The following ZNF254 variants were observed in gnomAD, a reference collection of about 807,000 sequenced individuals.
ZNF254 encodes the protein CTD-2017D11.1.
Under a neutral mutation model 12.4 loss-of-function variants are expected in ZNF254, and 10 were observed. The ratio of observed to expected loss-of-function variants is 0.80; its 90% confidence interval spans 0.50 to 1.36. The LOEUF (loss-of-function observed/expected upper bound fraction) is 1.36, where lower values mean the gene tolerates loss of function less well. Among genes scored for constraint, ZNF254 ranks in the 40% most tolerant of loss-of-function variants. ZNF254 has a pLI of 0.00. For synonymous variants in ZNF254, 305 were observed against 253.4 expected (o/e 1.20, Z -1.93); for missense variants, 996 against 763.9 (o/e 1.30, Z -3.58).
chr19:24,122,673 T>C (rs1479673096), intron 3 of ZNF254, among the ~76,000 whole-genome samples: 1 of 152,192 alleles, frequency 6.6e-6, no homozygotes, highest in Non-Finnish European at 1.5e-5. Flanking sequence ...ATCTTTATAG[T>C]TCGTACAATA....
chr19:24,059,302 G>A (rs954229421), intron 2 of ZNF254, among the ~76,000 whole-genome samples: 5 of 152,184 alleles, frequency 3.3e-5, no homozygotes, highest in African/African-American at 1.2e-4. Context: ...CCTAGGTGAT[G>A]TCTTCCTGAG....
intron 1 of ZNF254, among the ~76,000 whole-genome samples, chr19:24,088,894 C>T (rs923040978): frequency 1.3e-5 from 2 of 150,766 alleles, no homozygotes; most frequent in South Asian, 2.1e-4. Flanking sequence ...TAGCCTCAAG[C>T]GATCCGCCTG....
At chr19:24,043,724 A>T (rs1353987131) in intron 1 of ZNF254, among the ~76,000 whole-genome samples, 1 of 147,852 alleles carries the variant, frequency 6.8e-6, no homozygotes, top group Non-Finnish European at 1.5e-5. Flanking sequence ...CTTCATTTAA[A>T]CAGAAATGTT....
intron 2 of ZNF254, among the ~76,000 whole-genome samples, chr19:24,057,876 C>A (rs1463162761): frequency 6.6e-6 from 1 of 152,180 alleles, no homozygotes; most frequent in African/African-American, 2.4e-5. Context: ...GACTCTCATA[C>A]CAAGAATTGG....
chr19:24,076,954 T>C (rs757919506), intron 2 of ZNF254, among the ~76,000 whole-genome samples: 6 of 152,164 alleles, frequency 3.9e-5, no homozygotes, highest in Non-Finnish European at 8.8e-5. Context: ...GCTACATACC[T>C]ACCTCACAAT....
intron 1 of ZNF254, among the ~76,000 whole-genome samples, chr19:24,044,310 G>T (rs1272518616): frequency 6.6e-6 from 1 of 151,760 alleles, no homozygotes; most frequent in East Asian, 1.9e-4. Context: ...AGGCCGAGGC[G>T]GGTGGATCAC....
At chr19:24,072,841 T>C (rs1971528493) in intron 2 of ZNF254, among the ~76,000 whole-genome samples, 1 of 152,204 alleles carries the variant, frequency 6.6e-6, no homozygotes, top group Admixed American at 6.5e-5. Flanking sequence ...GTCTGATCCC[T>C]ACCCTGGAAA....
intron 1 of ZNF254, 23 bp from the exon 2 acceptor site, chr19:24,105,917 G>T (rs368956538): frequency 6.3e-7 from 1 of 1,577,678 alleles, no homozygotes. Flanking sequence ...TTGTAAATAT[G>T]TGTGTTTGTG....
At chr19:24,074,933 C>G (rs559845171) in intron 2 of ZNF254, among the ~76,000 whole-genome samples, 1 of 152,268 alleles carries the variant, frequency 6.6e-6, no homozygotes, top group African/African-American at 2.4e-5. Context: ...CATTTCTGGG[C>G]CCAGAACCTA....
At chr19:24,052,817 T>C (rs976808166) in intron 2 of ZNF254, among the ~76,000 whole-genome samples, 9 of 152,172 alleles carry the variant, frequency 5.9e-5, no homozygotes, top group Admixed American at 1.3e-4. Context: ...TCCAAACTTA[T>C]AGGGGCAATA....
At chr19:24,102,040 C>T (rs191685095) in intron 1 of ZNF254, among the ~76,000 whole-genome samples, 47 of 152,270 alleles carry the variant, frequency 3.1e-4, no homozygotes, top group Admixed American at 1.3e-3. Context: ...AAATAGATGA[C>T]GCAGTCATGG....
At chr19:24,114,917 TG>T (rs1301470617) in intron 3 of ZNF254, among the ~76,000 whole-genome samples, 2 of 152,186 alleles carry the variant, frequency 1.3e-5, no homozygotes, top group African/African-American at 4.8e-5. Flanking sequence ...AAAAAACACA[TG>T]AAAAAATGCT....
chr19:24,110,191 T>C (rs1279725886), intron 3 of ZNF254, among the ~76,000 whole-genome samples: 4 of 152,184 alleles, frequency 2.6e-5, no homozygotes, highest in Admixed American at 6.6e-5. Flanking sequence ...TAATTCTGTA[T>C]TTTTTCCAGT....
chr19:24,051,802 T>C (rs1970657516), intron 2 of ZNF254, among the ~76,000 whole-genome samples: 1 of 152,224 alleles, frequency 6.6e-6, no homozygotes, highest in African/African-American at 2.4e-5. Context: ...TACATATCAC[T>C]GGGCCCAGCA....
intron 1 of ZNF254, among the ~76,000 whole-genome samples, chr19:24,041,807 A>G (rs1419740387): frequency 4.6e-5 from 7 of 152,254 alleles, no homozygotes; most frequent in East Asian, 1.9e-4. Flanking sequence ...GAGAGTCTTT[A>G]TATCTAGCTC....
At chr19:24,048,003 CTTTTTTTT>C (rs398034320) in intron 2 of ZNF254, among the ~76,000 whole-genome samples, 6 of 68,810 alleles carry the variant, frequency 8.7e-5, no homozygotes, top group African/African-American at 1.2e-4. Context: ...TTCTTTTCTT[CTTTTTTTT>C]TTTTTTTTTT....
intron 2 of ZNF254, among the ~76,000 whole-genome samples, chr19:24,046,569 C>A (rs921174625): frequency 4.6e-5 from 7 of 151,788 alleles, no homozygotes; most frequent in African/African-American, 1.5e-4. Flanking sequence ...AAGCCATACA[C>A]ACAATTCAAA....
chr19:24,114,214 C>T (rs143374626), intron 3 of ZNF254, among the ~76,000 whole-genome samples: 19,878 of 151,850 alleles, frequency 0.13, 1,244 homozygotes, highest in Middle Eastern at 0.16. Context: ...GAGCCCGCAT[C>T]GCCAAGTCAC....
intron 1 of ZNF254, among the ~76,000 whole-genome samples, chr19:24,090,169 G>C (rs1972286134): frequency 6.6e-6 from 1 of 152,060 alleles, no homozygotes; most frequent in South Asian, 2.1e-4. Context: ...CTGCACTCCA[G>C]CCTGGGCGAC....
Sources: allele counts gnomAD v4.1 joint callset (sites outside exome capture counted in the v4.1 genomes callset), GRCh38; gene constraint gnomAD v4.1.1; transcripts MANE v1.5; gene names NCBI Gene and HGNC (gene_info 2026-07-23, HGNC 2026-07-21).